ANKRD28: variants seen among roughly 807,000 people sequenced by gnomAD.
ANKRD28 encodes the protein ankyrin repeat domain 28, also known as serine/threonine-protein phosphatase 6 regulatory ankyrin repeat subunit A.
Under a neutral mutation model 126.5 loss-of-function variants are expected in ANKRD28, and 44 were observed. The observed-to-expected ratio is 0.35, with a 90% CI of 0.27 to 0.45. The LOEUF (loss-of-function observed/expected upper bound fraction) is 0.45, where lower values mean the gene tolerates loss of function less well. Among genes scored for constraint, ANKRD28 ranks in the 20% least tolerant of loss-of-function variants. ANKRD28 has a pLI of 1.00. For missense variants in ANKRD28, 1,110 were observed against 1,316.6 expected, an observed-to-expected ratio of 0.84 and a Z score of 2.43; for synonymous variants, 442 against 468.5, an observed-to-expected ratio of 0.94 and a Z score of 0.73.
chr3:15,835,423 T>C (rs564940484), intron 1 of ANKRD28, among the ~76,000 whole-genome samples: 5 of 152,220 alleles, frequency 3.3e-5, no homozygotes, highest in South Asian at 2.1e-4. Flanking sequence ...CCTGAAACAA[T>C]AGAGAAGGAG....
chr3:15,854,874 C>A lies in ANKRD28; in HGVS notation c.27+4503G>T, dbSNP rs980717532. ...GACTATCCTGGCCAACATGGTGAAACCCCGTCTCTACTAAAATTACAAAAA... is the reference window on the plus strand; with the variant it reads ...GACTATCCTGGCCAACATGGTGAAAACCCGTCTCTACTAAAATTACAAAAA... On this transcript the variant is annotated intron_variant, in intron 1 of 27. Coordinates refer to the ANKRD28 transcript ENST00000399451. This position sits in a 1 kb window ranked among gnomAD's most constrained non-coding sequence, Gnocchi z 4.1. Among the ~76,000 whole-genome samples the A allele has an allele frequency of 5.3e-5, 8 of 152,062 alleles. No homozygotes were observed. Among genetic ancestry groups the A allele is most frequent in the Non-Finnish European group, 1.0e-4 (7 of 68,006 alleles).
At chr3:15,837,306 C>G (rs2061346796) in intron 1 of ANKRD28, among the ~76,000 whole-genome samples, 1 of 152,098 alleles carries the variant, frequency 6.6e-6, no homozygotes, top group Admixed American at 6.6e-5. Context: ...TTTGACCTAA[C>G]TGACATCTAT....
At position 15,766,285 on chromosome 3, in the gene ANKRD28, C is replaced by T. The variant is rs776107302; in HGVS notation, c.229G>A (p.Ala77Thr). 2.0e-5 allele frequency: 32 copies of T among 1,610,704 alleles called. No homozygotes were observed. Among genetic ancestry groups the T allele is most frequent in the Middle Eastern group, 1.6e-4 (1 of 6,074 alleles). Reference sequence around the variant, plus strand: ...TCTGCATCTCCAAGGTAAGCTGCGGCGTGCAATGGGGTTCGCTTTTCATTG... The same window carrying T: ...TCTGCATCTCCAAGGTAAGCTGCGGTGTGCAATGGGGTTCGCTTTTCATTG... ...QDNEKRTPLH[A>T]AAYLGDAEII... The change falls in exon 3 of 28, where the codon GCC becomes ACC. Residue 77 changes from alanine to threonine, a missense_variant. Transcript: ENST00000683139.
chr3:15,813,821 G>A (rs1202717535), intron 1 of ANKRD28, among the ~76,000 whole-genome samples: 1 of 152,204 alleles, frequency 6.6e-6, no homozygotes, highest in Non-Finnish European at 1.5e-5. Flanking sequence ...AAAGTGTGCA[G>A]CACAATCATT....
rs2071986917 is a variant in ANKRD28, at chr3:15,709,882, T to C, written c.1338-146A>G. ...TTTACATTCTATGAAGAATAAAACATTGAAATTCATCTTATCTAGAATTTA... is the reference window on the plus strand; with the variant it reads ...TTTACATTCTATGAAGAATAAAACACTGAAATTCATCTTATCTAGAATTTA... On this transcript the variant is annotated intron_variant, in intron 12 of 27. Transcript: ENST00000683139. The C allele has an allele frequency of 1.5e-5, 8 of 548,282 alleles. No individual in the cohort carries two copies. In the East Asian group the frequency reaches 1.9e-4, roughly 13 times the overall value. 34.0% of individuals were successfully genotyped at this position (548,282 alleles called of 1,614,324 possible).
chr3:15,745,388 TG>T (rs2057408458), intron 4 of ANKRD28, among the ~76,000 whole-genome samples: 1 of 152,228 alleles, frequency 6.6e-6, no homozygotes. Context: ...AGTTGATTTT[TG>T]TATAAGGTGA....
At chr3:15,717,039 T>C (rs1360798100) in intron 8 of ANKRD28, among the ~76,000 whole-genome samples, 1 of 152,230 alleles carries the variant, frequency 6.6e-6, no homozygotes, top group East Asian at 1.9e-4. Context: ...CCCTATCAGA[T>C]TGATACCATT....
intron 15 of ANKRD28, among the ~76,000 whole-genome samples, chr3:15,695,542 A>G (rs2069412390): frequency 6.6e-6 from 1 of 152,156 alleles, no homozygotes; most frequent in Non-Finnish European, 1.5e-5. Flanking sequence ...AGGGAAGCAA[A>G]GTTTAATGTA....
chr3:15,709,603 G>A, intron 13 of ANKRD28, 65 bp downstream of exon 13: 1 of 1,133,160 alleles, frequency 8.8e-7, no homozygotes, highest in Non-Finnish European at 1.3e-6. Flanking sequence ...TCAGAAGCCA[G>A]TTAGAAGGTC....
intron 1 of ANKRD28, among the ~76,000 whole-genome samples, chr3:15,842,395 GA>G (rs2061441714): frequency 6.6e-6 from 1 of 151,292 alleles, no homozygotes; most frequent in Admixed American, 6.6e-5. Flanking sequence ...GGATGGTTGG[GA>G]AGACCATCCT....
rs1177519012 is a variant in ANKRD28 at position 15,713,174 on chromosome 3, G to C, written c.1190+353C>G. ...CACAGCCTGAAAAGTATTATCTACA[G>C]ATAGTATTTGGATTAAAAAAAAGCA... is the stretch of plus-strand genomic sequence containing the variant. On this transcript the variant is annotated intron_variant, in intron 10 of 27. Transcript: ENST00000683139. Among the ~76,000 whole-genome samples the C allele has an allele frequency of 2.0e-5, 3 of 152,046 alleles. No individual in the cohort carries two copies. The East Asian group carries it at 5.8e-4, about 29-fold the overall frequency.
chr3:15,793,456 C>T (rs2060125773), intron 2 of ANKRD28, among the ~76,000 whole-genome samples: 1 of 152,072 alleles, frequency 6.6e-6, no homozygotes, highest in African/African-American at 2.4e-5. Context: ...TGAGCTGATG[C>T]TCTCAATGAC....
chr3:15,819,399 A>C (rs2060896780), intron 1 of ANKRD28, among the ~76,000 whole-genome samples: 1 of 152,250 alleles, frequency 6.6e-6, no homozygotes, highest in Non-Finnish European at 1.5e-5. Flanking sequence ...GATTTCTGAC[A>C]AAGGTACAAA....
At chr3:15,702,499 A>G (rs1288996924) in intron 14 of ANKRD28, among the ~76,000 whole-genome samples, 1 of 152,232 alleles carries the variant, frequency 6.6e-6, no homozygotes, top group African/African-American at 2.4e-5. Context: ...AAAATATTTA[A>G]GGCTAAACAA....
intron 4 of ANKRD28, among the ~76,000 whole-genome samples, chr3:15,744,762 T>C (rs1390123333): frequency 6.6e-6 from 1 of 152,212 alleles, no homozygotes; most frequent in Non-Finnish European, 1.5e-5. Context: ...GATTGATATC[T>C]AAGTGGTGGG....
At chr3:15,729,813 A>AAT (rs1297515914) in intron 6 of ANKRD28, among the ~76,000 whole-genome samples, 1 of 152,212 alleles carries the variant, frequency 6.6e-6, no homozygotes, top group Non-Finnish European at 1.5e-5. Context: ...CCCCCATTTT[A>AAT]ATATGAAAAA....
At chr3:15,781,642 T>C (rs1034066585) in intron 2 of ANKRD28, 2 of 152,172 alleles carry the variant, frequency 1.3e-5, no homozygotes, top group Admixed American at 6.5e-5. Context: ...AGAATTTCTA[T>C]TCCAGAAGTA....
rs1464362191 is a variant in ANKRD28 at position 15,846,978 on chromosome 3, C to G, written c.27+12399G>C. ...AAAAGGTCTAGTAAATATAAGTTAT[C>G]TGGGGCCTGGGAGAAAAGAAAACAA... On this transcript the variant is annotated intron_variant, in intron 1 of 27. Transcript: ENST00000399451. The surrounding 1 kb of genome is among the most constrained non-coding windows in gnomAD (Gnocchi z 5.4). Among the ~76,000 whole-genome samples, 1 of 152,154 alleles carries G rather than the reference C, an allele frequency of 6.6e-6. No homozygotes were observed. The highest frequency in any genetic ancestry group is 1.9e-4 in the East Asian group (1 of 5,194).
At chr3:15,741,538 A>C (rs1255392478) in intron 4 of ANKRD28, among the ~76,000 whole-genome samples, 1 of 152,042 alleles carries the variant, frequency 6.6e-6, no homozygotes, top group African/African-American at 2.4e-5. Context: ...ATTTTTTTTA[A>C]AAGCTAAGTA....
Sources: allele counts gnomAD v4.1 joint callset (sites outside exome capture counted in the v4.1 genomes callset), GRCh38; gene constraint gnomAD v4.1.1; non-coding constraint Gnocchi (gnomAD v3.1); transcripts MANE v1.5; gene names NCBI Gene and HGNC (gene_info 2026-07-23, HGNC 2026-07-21).